MIGA1: variants seen among roughly 807,000 people sequenced by gnomAD.
MIGA1 encodes family with sequence similarity 73, member A.
In MIGA1, 58 loss-of-function variants were observed where a neutral mutation model predicts 82.0. That is an observed-to-expected ratio of 0.71 (90% CI 0.57 to 0.88). MIGA1 has a LOEUF of 0.88. MIGA1 is among the 40% of genes least tolerant of loss of function. The pLI is 0.00. For synonymous variants in MIGA1, 249 were observed against 253.6 expected (o/e 0.98, Z 0.17); for missense variants, 751 against 749.1 (o/e 1.00, Z -0.03).
chr1:77,823,082 C>T, intron 7 of MIGA1, among the ~76,000 whole-genome samples: 1 of 151,572 alleles, frequency 6.6e-6, no homozygotes. Flanking sequence ...ACCTCGTGAT[C>T]CTCCCGCCTC....
At chr1:77,819,546 AGT>A (rs1683719852) in intron 7 of MIGA1, among the ~76,000 whole-genome samples, 1 of 151,380 alleles carries the variant, frequency 6.6e-6, no homozygotes, top group Non-Finnish European at 1.5e-5. Flanking sequence ...GGCCTCCCAA[AGT>A]GCTGGGATTA....
intron 7 of MIGA1, among the ~76,000 whole-genome samples, chr1:77,825,553 C>T (rs1683998222): frequency 6.6e-6 from 1 of 152,124 alleles, no homozygotes; most frequent in South Asian, 2.1e-4. Context: ...TCAACACTTG[C>T]TGGCAGGCTT....
intron 8 of MIGA1, chr1:77,848,377 C>A: frequency 9.2e-7 from 1 of 1,092,744 alleles, no homozygotes; most frequent in Non-Finnish European, 1.3e-6. Flanking sequence ...AAAAGCAAAG[C>A]AAAGGAAGAG....
At chr1:77,848,598 T>C (rs1405064284) in intron 8 of MIGA1, 1 of 1,411,678 alleles carries the variant, frequency 7.1e-7, no homozygotes, top group East Asian at 2.3e-5. Flanking sequence ...AGAAACCCTC[T>C]AATTCTGAAT....
chr1:77,807,914 G>A (rs1348500541), intron 5 of MIGA1, among the ~76,000 whole-genome samples: 1 of 152,030 alleles, frequency 6.6e-6, no homozygotes, highest in Non-Finnish European at 1.5e-5. Flanking sequence ...CACCTCCCGG[G>A]TTCAAGTGAT....
intron 10 of MIGA1, 158 bp downstream of exon 10, chr1:77,859,544 CT>C: frequency 1.8e-6 from 1 of 566,054 alleles, no homozygotes; most frequent in Non-Finnish European, 3.2e-6. Flanking sequence ...CTCCCTGCTA[CT>C]TGCCTTCATT....
In MIGA1 at chr1:77,861,084, T is replaced by G. The variant is rs570222535; in HGVS notation, c.1276-140T>G. On this transcript the variant is annotated intron_variant, in intron 11 of 15. Transcript: ENST00000370791. The stretch of plus-strand genomic sequence containing the variant: ...TGCAATAGCAAAGTAGTAAACCAGA[T>G]AAATTTGGCATACCTTTAAAATGTA... 66 of 570,442 alleles carry G rather than the reference T, an allele frequency of 1.2e-4. No homozygotes were observed. The South Asian group carries it at 1.6e-3, about 14-fold the overall frequency. 35.3% of individuals were successfully genotyped at this position (570,442 alleles called of 1,614,324 possible). A position where few individuals can be genotyped will look rare whatever the true frequency, so the allele number is the denominator to read the frequency against.
intron 7 of MIGA1, among the ~76,000 whole-genome samples, chr1:77,836,471 CAGA>C (rs1345269411): frequency 6.6e-6 from 1 of 151,992 alleles, no homozygotes; most frequent in Non-Finnish European, 1.5e-5. Context: ...GGCAAGGGAG[CAGA>C]AGGAGAGTAG....
At chr1:77,857,432 T>G (rs923027595) in intron 8 of MIGA1, among the ~76,000 whole-genome samples, 2 of 151,892 alleles carry the variant, frequency 1.3e-5, no homozygotes, top group Non-Finnish European at 1.5e-5. Flanking sequence ...CTTGAACTCC[T>G]GACCTCAGGT....
chr1:77,860,690 T>C (rs1019883940), intron 11 of MIGA1: 5 of 153,094 alleles, frequency 3.3e-5, no homozygotes, highest in African/African-American at 1.2e-4. Context: ...TATAATAGAA[T>C]TGTATTTATA....
chr1:77,854,807 A>T (rs1289535774), intron 8 of MIGA1, among the ~76,000 whole-genome samples: 2 of 152,048 alleles, frequency 1.3e-5, no homozygotes, highest in African/African-American at 4.8e-5. Context: ...CCTTTATCAG[A>T]TGTAGAGATT....
At chr1:77,854,176 A>G (rs1333032346) in intron 8 of MIGA1, among the ~76,000 whole-genome samples, 1 of 152,224 alleles carries the variant, frequency 6.6e-6, no homozygotes, top group East Asian at 1.9e-4. Context: ...CACTTAGAAT[A>G]ATAGTCTCCA....
At chr1:77,874,235 G>A (rs1235059006) in intron 15 of MIGA1, among the ~76,000 whole-genome samples, 1 of 152,024 alleles carries the variant, frequency 6.6e-6, no homozygotes. Context: ...TTTGCTTACA[G>A]TGAGTTTCAG....
chr1:77,848,661 AC>A (rs1684932699), intron 8 of MIGA1: 4 of 1,574,736 alleles, frequency 2.5e-6, no homozygotes, highest in Non-Finnish European at 3.5e-6. Context: ...AGGGTAAAGA[AC>A]AAGAGAGACC....
chr1:77,828,555 A>G (rs1047293408), intron 7 of MIGA1, among the ~76,000 whole-genome samples: 1 of 152,242 alleles, frequency 6.6e-6, no homozygotes, highest in Non-Finnish European at 1.5e-5. Context: ...TGAAGTAGAA[A>G]TTTAAAACTA....
chr1:77,863,102 A>C (rs1330024255), intron 12 of MIGA1, among the ~76,000 whole-genome samples: 3 of 152,222 alleles, frequency 2.0e-5, no homozygotes, highest in Non-Finnish European at 4.4e-5. Flanking sequence ...TCTGCAGGCC[A>C]GCAACCTGAG....
chr1:77,780,004 G>T, intron 1 of MIGA1: 3 of 1,222,400 alleles, frequency 2.5e-6, no homozygotes, highest in Non-Finnish European at 3.1e-6. Flanking sequence ...GGGTCCCCAC[G>T]CCAGAGGGAG....
chr1:77,875,792 T>A lies in MIGA1; in HGVS notation c.*728T>A, dbSNP rs1646889021. The A allele has an allele frequency of 6.6e-6, 1 of 151,818 alleles. No homozygotes were observed. The highest frequency in any genetic ancestry group is 1.5e-5 in the Non-Finnish European group (1 of 67,994). 9.4% of individuals were successfully genotyped at this position (151,818 alleles called of 1,614,324 possible). A position where few individuals can be genotyped will look rare whatever the true frequency, so the allele number is the denominator to read the frequency against. The stretch of plus-strand genomic sequence containing the variant: ...TCTCTACAAAAACATAAAAATAAAT[T>A]AGCTGGTATCAAGCAGAGTTCCATG... On this transcript the variant is annotated 3_prime_UTR_variant, in exon 16 of 16. Transcript: ENST00000370791.
intron 14 of MIGA1, among the ~76,000 whole-genome samples, chr1:77,869,214 C>A (rs1273734413): frequency 7.2e-6 from 1 of 138,848 alleles, no homozygotes; most frequent in Non-Finnish European, 1.5e-5. Flanking sequence ...ATCCATTTAA[C>A]CCTGAGTGGA....
Sources: allele counts gnomAD v4.1 joint callset (sites outside exome capture counted in the v4.1 genomes callset), GRCh38; gene constraint gnomAD v4.1.1; transcripts MANE v1.5; gene names NCBI Gene and HGNC (gene_info 2026-07-23, HGNC 2026-07-21).